The following WDR81 variants were observed in gnomAD, a reference collection of about 807,000 sequenced individuals.
WDR81 encodes WD repeat domain 81.
In WDR81, 92 loss-of-function variants were observed where a neutral mutation model predicts 140.8. The observed-to-expected ratio is 0.65, with a 90% CI of 0.55 to 0.78. WDR81 has a LOEUF of 0.78. Ranked by LOEUF, WDR81 falls within the 30% of genes least tolerant of loss-of-function variation. The pLI, the probability that WDR81 is intolerant of heterozygous loss-of-function variation, is 0.00. For synonymous variants in WDR81, 1,183 were observed against 1,156.4 expected (o/e 1.02, Z -0.47); for missense variants, 2,502 against 2,636.4 (o/e 0.95, Z 1.12).
Position 1,731,177 on chromosome 17 carries a change from C to T in WDR81, c.4076C>T (p.Thr1359Ile). Residue 1359 changes from threonine to isoleucine, a missense_variant, in exon 4 of 10, where the codon ACC becomes ATC. Thr to Ile is a moderately conservative substitution (Grantham distance 89, BLOSUM62 -1). This residue lies in a region of WDR81 where 1,737 missense variants were observed against 1,843.0 expected (regional missense o/e 0.94). Transcript: ENST00000409644. Reference sequence around the variant, plus strand: ...AAGATCATCGTGTACCTCTCAGACACCACACTCATGGACATCCTGCCCCGG... The same window carrying T: ...AAGATCATCGTGTACCTCTCAGACATCACACTCATGGACATCCTGCCCCGG... ...TQKIIVYLSD[T>I]TLMDILPRIS... is the part of the protein sequence containing the mutation. The T allele has an allele frequency of 6.2e-7, 1 of 1,613,556 alleles. No homozygotes were observed.
chr17:1,732,998 A>C lies in WDR81; in HGVS notation c.4489+167A>C, dbSNP rs1053136847. 4 of 820,588 alleles carry C rather than the reference A, an allele frequency of 4.9e-6. No homozygotes were observed. In the African/African-American group the frequency reaches 7.1e-5, roughly 15 times the overall value. The allele number at this position is 820,588 out of a possible 1,614,324, so 50.8% of individuals were successfully genotyped here. ...GACCCCTACCCCCAAGGTGACACAC[A>C]AACAAGGACTGAGCAGTAGCCAGCA... On this transcript the variant is annotated intron_variant, in intron 6 of 9. Transcript: ENST00000409644.
At position 1,733,697 on chromosome 17, in the gene WDR81, G is replaced by C; in HGVS notation, c.4660G>C (p.Gly1554Arg). ...PHGGGCPQDD[G>R]HSGTFGSVLV... ...TGGTGGGGGCTGCCCTCAGGATGAC[G>C]GCCACTCAGGGACCTTTGGGAGCGT... The change falls in exon 7 of 10, where the codon GGC becomes CGC. Residue 1554 changes from glycine to arginine, a missense_variant. By Grantham distance (125) the Gly-to-Arg change is moderately radical. Transcript: ENST00000409644. 1 of 1,612,344 alleles carries C rather than the reference G, an allele frequency of 6.2e-7. No homozygotes were observed.
In WDR81 at chr17:1,726,004, G is replaced by C. The variant is rs150798889; in HGVS notation, c.1045G>C (p.Val349Leu). The C allele has an allele frequency of 1.4e-4, 220 of 1,547,382 alleles. No individual in the cohort carries two copies. The African/African-American group carries it at 2.5e-3, about 17-fold the overall frequency. The stretch of plus-strand genomic sequence containing the variant: ...TGGCCAGGAGGAACTTCGGAGCCTC[G>C]TGCTAGATTGGGTCCACGGCCGCAT... ...PTGQEELRSLVLDWVHGRISN... is the reference protein window; with the variant it reads ...PTGQEELRSLLLDWVHGRISN... The change falls in exon 1 of 10, where the codon GTG becomes CTG. Residue 349 changes from valine (V) to leucine (L), a missense_variant. Val to Leu is a conservative substitution (Grantham distance 32). Around this residue, in one of 3 missense-constraint regions of WDR81, gnomAD observed 547 missense variants for 513.8 expected, o/e 1.06. Coordinates refer to ENST00000409644, the MANE Select transcript of WDR81 (RefSeq NM_001163809.2).
upstream of WDR81, among the ~76,000 whole-genome samples, chr17:1,724,093 G>A (rs893600646): frequency 6.6e-6 from 1 of 152,060 alleles, no homozygotes. Flanking sequence ...GGCCGGGCGC[G>A]GTGGCTCACG....
In WDR81 at chr17:1,735,984, T is replaced by C; in HGVS notation, c.5326-55T>C. The C allele has an allele frequency of 6.5e-7, 1 of 1,548,630 alleles. No individual in the cohort carries two copies. Among genetic ancestry groups the C allele is most frequent in the South Asian group, 1.2e-5 (1 of 82,436 alleles). The stretch of plus-strand genomic sequence containing the variant: ...TGGGCTTGGGTGGTGGGCAGGGCCT[T>C]GGGGAGTGTGAGATGGGAAGGTGGT... On this transcript the variant is annotated intron_variant, in intron 8 of 9. Coordinates refer to ENST00000409644, the MANE Select transcript of WDR81 (RefSeq NM_001163809.2). The surrounding 1 kb of genome is among the most constrained non-coding windows in gnomAD (Gnocchi z 4.2).
At chr17:1,733,091 G>A (rs535036963) in intron 6 of WDR81, 19 of 503,268 alleles carry the variant, frequency 3.8e-5, no homozygotes, top group African/African-American at 1.2e-4. Flanking sequence ...GTGGACTGGC[G>A]GTCCGCAGGA....
chr17:1,738,559 G>A lies in WDR81; in HGVS notation c.*874G>A, dbSNP rs1482615694. The A allele has an allele frequency of 6.5e-6, 1 of 152,686 alleles. No homozygotes were observed. The highest frequency in any genetic ancestry group is 1.5e-5 in the Non-Finnish European group (1 of 68,506). The allele number at this position is 152,686 out of a possible 1,614,324, so 9.5% of individuals were successfully genotyped here. The stretch of plus-strand genomic sequence containing the variant: ...TCACAATTTGCAATAGATGTAAATA[G>A]GACCAATAAATCCTTTGGAAGAGCC... On this transcript the variant is annotated 3_prime_UTR_variant, in exon 10 of 10. Coordinates refer to ENST00000409644, the MANE Select transcript of WDR81 (RefSeq NM_001163809.2).
upstream of WDR81, among the ~76,000 whole-genome samples, chr17:1,723,457 T>TTTTATTTA (rs60273826): frequency 0.021 from 2,712 of 130,476 alleles, 39 homozygotes; most frequent in Middle Eastern, 0.043. Flanking sequence ...ATTTATTTAT[T>TTTTATTTA]TTTATTTATT....
At chr17:1,732,624 G>A in intron 5 of WDR81, 42 bp from the exon 6 acceptor site, 3 of 1,576,638 alleles carry the variant, frequency 1.9e-6, no homozygotes, top group Non-Finnish European at 2.6e-6. Flanking sequence ...GCCAGGGTGG[G>A]AGCTGTGGAC....
chr17:1,726,569 T>C lies in WDR81; in HGVS notation c.1610T>C (p.Val537Ala), dbSNP rs1340743443. 3 of 1,549,956 alleles carry C rather than the reference T, an allele frequency of 1.9e-6. No homozygotes were observed. Among genetic ancestry groups the C allele is most frequent in the Non-Finnish European group, 2.6e-6 (3 of 1,146,932 alleles). Residue 537 changes from valine to alanine, a missense_variant, in exon 1 of 10, where the codon GTA (valine) becomes GCA (alanine). This residue lies in a region of WDR81 where 218 missense variants were observed against 279.6 expected (regional missense o/e 0.78). Coordinates refer to ENST00000409644, the MANE Select transcript of WDR81 (RefSeq NM_001163809.2). ...AHRALLESREVSRDLHHWIDL... is the reference protein window; with the variant it reads ...AHRALLESREASRDLHHWIDL... ...CGAGCCCTGCTGGAGAGCCGCGAGG[T>C]ATCCCGGGACCTGCACCATTGGATC...
rs148281999 is a variant in WDR81 at position 1,735,597 on chromosome 17, G to A, written c.5205G>A (p.Pro1735=). 9.2e-4 allele frequency: 1,487 copies of A among 1,612,192 alleles called. 3 individuals carry two copies. The highest frequency in any genetic ancestry group is 1.1e-3 in the Non-Finnish European group (1,282 of 1,179,792). Residue 1735 remains proline (P), a synonymous_variant, in exon 8 of 10, where the codon CCG becomes CCA. Coordinates refer to ENST00000409644, the MANE Select transcript of WDR81 (RefSeq NM_001163809.2). This position sits in a 1 kb window ranked among gnomAD's most constrained non-coding sequence, Gnocchi z 4.2. The part of the protein sequence containing the change: ...FTGKTLRTVE[P]LDSRVPLTAV... ...GGAAGACCCTTCGCACAGTGGAGCC[G>A]CTGGACAGCCGGGTGCCCCTGACTG...
In WDR81 at chr17:1,737,936, G is replaced by C. The variant is rs557243878; in HGVS notation, c.*251G>C. On this transcript the variant is annotated 3_prime_UTR_variant, in exon 10 of 10. Transcript: ENST00000409644. ...ACACAGGGCTCCTAGCAAGCAGGAA[G>C]TTAAGAGCAGGAGGAAGCGTTGCTA... The C allele has an allele frequency of 7.2e-5, 42 of 583,730 alleles. No individual in the cohort carries two copies. In the African/African-American group the frequency reaches 7.3e-4, roughly 10 times the overall value. The allele number at this position is 583,730 out of a possible 1,614,324, so 36.2% of individuals were successfully genotyped here.
chr17:1,725,826 C>G lies in WDR81; in HGVS notation c.867C>G (p.Ile289Met), dbSNP rs531945660. ...LACGALSLYH[I>M]AVDEKLCSEL... The stretch of plus-strand genomic sequence containing the variant: ...GTGGGGCCCTGTCTTTGTATCACAT[C>G]GCAGTGGATGAGAAGCTTTGCAGCG... The change falls in exon 1 of 10, where the codon ATC (isoleucine) becomes ATG (methionine). Residue 289 changes from isoleucine (I) to methionine (M), a missense_variant. Coordinates refer to ENST00000409644, the MANE Select transcript of WDR81 (RefSeq NM_001163809.2). 1.3e-6 allele frequency: 2 copies of G among 1,550,610 alleles called. No individual in the cohort carries two copies. The highest frequency in any genetic ancestry group is 3.9e-5 in the Admixed American group (2 of 50,990).
intron 1 of WDR81, among the ~76,000 whole-genome samples, chr17:1,729,439 C>T (rs2151167094): frequency 6.6e-6 from 1 of 152,028 alleles, no homozygotes; most frequent in East Asian, 1.9e-4. Flanking sequence ...GAGATCACAC[C>T]ACTGCACTGC....
upstream of WDR81, among the ~76,000 whole-genome samples, chr17:1,722,854 G>A (rs1158278322): frequency 3.3e-5 from 5 of 151,562 alleles, no homozygotes; most frequent in East Asian, 5.8e-4. Context: ...TGCCACACCC[G>A]GCTAATTTTT....
chr17:1,728,025 C>T lies in WDR81; in HGVS notation c.3066C>T (p.Ser1022=). The change falls in exon 1 of 10, where the codon AGC becomes AGT. Residue 1022 remains serine (S), a synonymous_variant. Transcript: ENST00000409644. ...GCGCAGAGGCCTCCCAGGAGGAGAG[C>T]AAGGACCTGGCAGGGGCTGCTGAGG... ...LAGAEASQEE[S]KDLAGAAEEE... 1 of 1,554,982 alleles carries T rather than the reference C, an allele frequency of 6.4e-7. No homozygotes were observed. The highest frequency in any genetic ancestry group is 2.4e-5 in the East Asian group (1 of 41,276).
rs138993432 is a variant in WDR81, at chr17:1,726,060, T to C, written c.1101T>C (p.Asn367=). Residue 367 remains asparagine (N), a synonymous_variant, in exon 1 of 10, where the codon AAT becomes AAC. Coordinates refer to ENST00000409644, the MANE Select transcript of WDR81 (RefSeq NM_001163809.2). ...ACTTCCACTACCTCATGCAGCTGAATCGGTTGGCAGGTCGGCGGCAGGGGG... is the reference window on the plus strand; with the variant it reads ...ACTTCCACTACCTCATGCAGCTGAACCGGTTGGCAGGTCGGCGGCAGGGGG... ...ISNFHYLMQL[N]RLAGRRQGDP... 9.0e-6 allele frequency: 14 copies of C among 1,547,756 alleles called. No homozygotes were observed. The African/African-American group carries it at 9.6e-5, about 11-fold the overall frequency.
At chr17:1,724,556 C>T (rs535901396), upstream of WDR81, 2 of 988,610 alleles carry the variant, frequency 2.0e-6, no homozygotes, top group African/African-American at 1.7e-5. Flanking sequence ...CCCTTTCAGC[C>T]CCGGGAGGAA....
Position 1,725,282 on chromosome 17 carries a change from A to G in WDR81, c.323A>G (p.His108Arg). The G allele has an allele frequency of 1.3e-6, 2 of 1,546,656 alleles. No homozygotes were observed. The highest frequency in any genetic ancestry group is 2.4e-5 in the South Asian group (2 of 84,062). Reference protein sequence around the residue: ...LPAGWTRVEVHGLRKRRLSYP... With the variant: ...LPAGWTRVEVRGLRKRRLSYP... ...GCCGGCTGGACGCGCGTGGAGGTGCATGGGCTGCGGAAGCGGAGACTGTCC... is the reference window on the plus strand; with the variant it reads ...GCCGGCTGGACGCGCGTGGAGGTGCGTGGGCTGCGGAAGCGGAGACTGTCC... Residue 108 changes from histidine (H) to arginine (R), a missense_variant, in exon 1 of 10, where the codon CAT becomes CGT. This residue lies in a region of WDR81 where 547 missense variants were observed against 513.8 expected (regional missense o/e 1.06). Transcript: ENST00000409644.
Sources: gnomAD v4.1 joint callset for allele counts (sites outside exome capture counted in the v4.1 genomes callset) on GRCh38, gnomAD v4.1.1 for gene constraint, gnomAD v4.1.1 regional missense constraint, Gnocchi (gnomAD v3.1) non-coding constraint, MANE v1.5 for transcripts, NCBI Gene and HGNC (gene_info 2026-07-23, HGNC 2026-07-21) for gene names.